Variants in RBMS3 observed in about 807,000 individuals in gnomAD.
RBMS3 encodes the protein RNA binding motif single stranded interacting protein 3.
A neutral mutation model predicts 66.8 loss-of-function variants in RBMS3; 27 were observed. That is an observed-to-expected ratio of 0.40 (90% CI 0.30 to 0.56). RBMS3 has a LOEUF of 0.56. RBMS3 is among the 20% of genes least tolerant of loss of function. The pLI is 0.40. For synonymous variants in RBMS3, 188 were observed against 183.0 expected (o/e 1.03, Z -0.22); for missense variants, 513 against 549.5 (o/e 0.93, Z 0.66).
chr3:29,892,515 G>A (rs1038556769), intron 8 of RBMS3, among the ~76,000 whole-genome samples: 35 of 151,562 alleles, frequency 2.3e-4, no homozygotes, highest in African/African-American at 8.2e-4. Flanking sequence ...ATTGCCAAAT[G>A]TCTGCTGGAG....
chr3:29,476,461 A>C (rs2042950386), intron 2 of RBMS3, among the ~76,000 whole-genome samples: 1 of 152,194 alleles, frequency 6.6e-6, no homozygotes. Flanking sequence ...AGGTAGTTGA[A>C]CTACACCATC....
intron 10 of RBMS3, among the ~76,000 whole-genome samples, chr3:29,923,503 A>G (rs1455366377): frequency 6.6e-6 from 1 of 152,168 alleles, no homozygotes; most frequent in African/African-American, 2.4e-5. Flanking sequence ...AAGCAAAAGT[A>G]TGTGTTAAAA....
intron 12 of RBMS3, among the ~76,000 whole-genome samples, chr3:29,983,239 C>CT (rs576048110): frequency 0.048 from 6,522 of 136,180 alleles, 256 homozygotes; most frequent in Admixed American, 0.14. Flanking sequence ...CCCCCGCCCC[C>CT]TTTTTTTTTT....
chr3:29,629,213 T>C (rs572606160), intron 4 of RBMS3, among the ~76,000 whole-genome samples: 1 of 152,244 alleles, frequency 6.6e-6, no homozygotes, highest in African/African-American at 2.4e-5. Flanking sequence ...CTTTAAAGAC[T>C]TGAAAGGATT....
At chr3:29,501,707 A>C (rs575147963) in intron 3 of RBMS3, among the ~76,000 whole-genome samples, 1 of 152,234 alleles carries the variant, frequency 6.6e-6, no homozygotes, top group Admixed American at 6.5e-5. Flanking sequence ...CTATCAACCA[A>C]CCAATCAGTG....
intron 7 of RBMS3, among the ~76,000 whole-genome samples, chr3:29,878,129 A>G (rs983462963): frequency 6.6e-6 from 1 of 152,092 alleles, no homozygotes; most frequent in African/African-American, 2.4e-5. Flanking sequence ...TGTGCAGTTC[A>G]CAATAGGGTT....
At chr3:29,470,569 A>G (rs1450797059) in intron 2 of RBMS3, among the ~76,000 whole-genome samples, 1 of 152,028 alleles carries the variant, frequency 6.6e-6, no homozygotes, top group Non-Finnish European at 1.5e-5. Flanking sequence ...TTTTTCTAGA[A>G]ACATGTAATT....
At chr3:29,486,224 G>A (rs2043311817) in intron 2 of RBMS3, among the ~76,000 whole-genome samples, 1 of 152,136 alleles carries the variant, frequency 6.6e-6, no homozygotes, top group Admixed American at 6.5e-5. Context: ...TTGTCATCCT[G>A]AGAGTTCAGA....
chr3:29,394,559 A>T (rs1344563421), intron 1 of RBMS3, among the ~76,000 whole-genome samples: 2 of 152,194 alleles, frequency 1.3e-5, no homozygotes, highest in African/African-American at 4.8e-5. Flanking sequence ...CAGAATTTAT[A>T]TTCAGAGATT....
At chr3:29,834,146 A>C (rs1312544071) in intron 6 of RBMS3, among the ~76,000 whole-genome samples, 1 of 152,072 alleles carries the variant, frequency 6.6e-6, no homozygotes, top group African/African-American at 2.4e-5. Flanking sequence ...TAAATAAATA[A>C]ATAAAAGTTG....
chr3:29,404,827 A>G (rs927937219), intron 1 of RBMS3, among the ~76,000 whole-genome samples: 3 of 152,122 alleles, frequency 2.0e-5, no homozygotes, highest in African/African-American at 7.2e-5. Flanking sequence ...TTCTCTCCCA[A>G]TACCTCTGGT....
At chr3:29,414,954 A>T (rs1431981909) in intron 1 of RBMS3, among the ~76,000 whole-genome samples, 3 of 152,220 alleles carry the variant, frequency 2.0e-5, no homozygotes, top group Non-Finnish European at 2.9e-5. Context: ...TCACCGGCAC[A>T]TTGATCAGCC....
At chr3:29,377,028 G>A (rs1214022884) in intron 1 of RBMS3, among the ~76,000 whole-genome samples, 15 of 151,962 alleles carry the variant, frequency 9.9e-5, no homozygotes, top group Admixed American at 9.8e-4. Context: ...GGCGGAGGTT[G>A]AAGTGAGCCA....
rs188367408 is a variant in RBMS3, at chr3:29,805,409, A to T, written c.637+42420A>T. Among the ~76,000 whole-genome samples, 225 of 152,192 alleles carry T rather than the reference A, an allele frequency of 1.5e-3. 2 individuals carry two copies. Among genetic ancestry groups the T allele is most frequent in the African/African-American group, 5.3e-3 (222 of 41,566 alleles). On this transcript the variant is annotated intron_variant, in intron 6 of 14. Transcript: ENST00000383767. ...ATTTGAGAGTGTACTCTTTGTACTTATAGAATAAAAAGTAATTGTAAATAG... is the reference window on the plus strand; with the variant it reads ...ATTTGAGAGTGTACTCTTTGTACTTTTAGAATAAAAAGTAATTGTAAATAG...
intron 3 of RBMS3, among the ~76,000 whole-genome samples, chr3:29,514,199 T>C (rs1309984661): frequency 1.3e-5 from 2 of 152,152 alleles, no homozygotes; most frequent in Non-Finnish European, 2.9e-5. Flanking sequence ...GAATTAAACA[T>C]TGTTAAGGAT....
chr3:29,293,680 T>C (rs779051087), intron 1 of RBMS3, among the ~76,000 whole-genome samples: 4 of 151,774 alleles, frequency 2.6e-5, no homozygotes, highest in African/African-American at 4.8e-5. Context: ...TCCATCTCCC[T>C]GTCTTTCCCA....
intron 3 of RBMS3, among the ~76,000 whole-genome samples, chr3:29,526,728 A>T (rs1332728439): frequency 6.6e-6 from 1 of 151,944 alleles, no homozygotes; most frequent in African/African-American, 2.4e-5. Context: ...CTTAGTCTTT[A>T]TTTCATCTCT....
At chr3:29,805,108 C>T (rs2057506340) in intron 6 of RBMS3, among the ~76,000 whole-genome samples, 1 of 151,996 alleles carries the variant, frequency 6.6e-6, no homozygotes, top group East Asian at 1.9e-4. Context: ...ATAACAACCT[C>T]TTGGTTAATG....
chr3:29,878,917 G>A (rs2059672994), intron 7 of RBMS3, among the ~76,000 whole-genome samples: 1 of 152,022 alleles, frequency 6.6e-6, no homozygotes, highest in African/African-American at 2.4e-5. Flanking sequence ...GCTTAATGGT[G>A]CACACCAGTA....
Sources: gnomAD v4.1 joint callset for allele counts (sites outside exome capture counted in the v4.1 genomes callset) on GRCh38, gnomAD v4.1.1 for gene constraint, MANE v1.5 for transcripts, NCBI Gene and HGNC (gene_info 2026-07-23, HGNC 2026-07-21) for gene names.